ANK3: variants seen among roughly 807,000 people sequenced by gnomAD.
The protein encoded by ANK3 is ankyrin-3.
In ANK3, 57 loss-of-function variants were observed where a neutral mutation model predicts 370.9. The ratio of observed to expected loss-of-function variants is 0.15; its 90% CI spans 0.12 to 0.19. The LOEUF (loss-of-function observed/expected upper bound fraction) is 0.19. Among genes scored for constraint, ANK3 ranks in the 10% least tolerant of loss-of-function variants. The probability of loss-of-function intolerance (pLI) is 1.00; values close to 1 mark genes in which losing one functional copy is unlikely to be tolerated. For synonymous variants in ANK3, 1,929 were observed against 1,946.3 expected (o/e 0.99, Z 0.23); for missense variants, 4,439 against 5,302.1 (o/e 0.84, Z 5.06).
At chr10:60,041,363 G>A (rs2393578) in intron 43 of ANK3, among the ~76,000 whole-genome samples, 129,153 of 152,182 alleles carry the variant, frequency 0.85, 55,046 homozygotes, top group East Asian at 0.94. Flanking sequence ...ATATTCTCAA[G>A]GAAACCTTCC....
intron 2 of ANK3, among the ~76,000 whole-genome samples, chr10:60,443,420 T>C (rs981122005): frequency 1.3e-5 from 2 of 152,124 alleles, no homozygotes; most frequent in Non-Finnish European, 2.9e-5. Flanking sequence ...CTGCATCATA[T>C]TCCTTCTGGG....
chr10:60,677,495 T>C (rs201760605), intron 1 of ANK3, among the ~76,000 whole-genome samples: 6 of 148,170 alleles, frequency 4.0e-5, no homozygotes, highest in Middle Eastern at 3.6e-3. Context: ...TATAACTTTT[T>C]AAAAAAACTG....
intron 2 of ANK3, among the ~76,000 whole-genome samples, chr10:60,419,853 C>A (rs1364053545): frequency 6.6e-6 from 1 of 152,134 alleles, no homozygotes; most frequent in African/African-American, 2.4e-5. Context: ...CTGTGGTAGT[C>A]ATTTTTTTAC....
At chr10:60,390,097 T>G (rs1017787729), upstream of ANK3, among the ~76,000 whole-genome samples, 2 of 152,202 alleles carry the variant, frequency 1.3e-5, no homozygotes, top group African/African-American at 2.4e-5. Context: ...TTAGTTCAAC[T>G]GCTGATGGTG....
At chr10:60,723,185 G>T (rs749248828) in intron 1 of ANK3, among the ~76,000 whole-genome samples, 2 of 152,174 alleles carry the variant, frequency 1.3e-5, no homozygotes, top group Non-Finnish European at 1.5e-5. Flanking sequence ...ATTATTCCCA[G>T]GCTGCAGATA....
chr10:60,395,893 T>C (rs2063228707), intron 2 of ANK3, among the ~76,000 whole-genome samples: 1 of 152,056 alleles, frequency 6.6e-6, no homozygotes, highest in Non-Finnish European at 1.5e-5. Context: ...TGGGGTAACG[T>C]AAAACAGAAT....
intron 1 of ANK3, among the ~76,000 whole-genome samples, chr10:60,319,030 T>A (rs2048062016): frequency 6.6e-6 from 1 of 152,220 alleles, no homozygotes; most frequent in Non-Finnish European, 1.5e-5. Flanking sequence ...CCTAATGTAC[T>A]TGGTAATGAG....
rs1594746382 is a variant in ANK3 at position 60,375,857 on chromosome 10, A to G, written c.114+13568T>C. On this transcript the variant is annotated intron_variant, in intron 1 of 43. Coordinates refer to ENST00000280772, the MANE Select transcript of ANK3 (RefSeq NM_020987.5). ...ACTTTGCCCATTTTCACTGATGACT[A>G]TCACTAAATATGCTTAGCATAAAAT... Among the ~76,000 whole-genome samples, 3 of 152,200 alleles carry G rather than the reference A, an allele frequency of 2.0e-5. No homozygotes were observed. In the East Asian group the frequency reaches 5.8e-4, roughly 29 times the overall value.
At chr10:60,201,472 A>G (rs1015265216) in intron 12 of ANK3, among the ~76,000 whole-genome samples, 1 of 152,188 alleles carries the variant, frequency 6.6e-6, no homozygotes, top group African/African-American at 2.4e-5. Context: ...TGCTAATATT[A>G]TGATGTCAAA....
rs772050322 is a variant in ANK3, at chr10:60,134,355, C to T, written c.2757G>A (p.Ser919=). 1.7e-5 allele frequency: 27 copies of T among 1,613,196 alleles called. 1 individual carries two copies. The highest frequency in any genetic ancestry group is 5.5e-5 in the South Asian group (5 of 90,952). Reference sequence around the variant, plus strand: ...TTCTGTTCAAGGTGTAAGACCTATCCGAACTGAAGGAGCGGAGGCTGTTGT... The same window carrying T: ...TTCTGTTCAAGGTGTAAGACCTATCTGAACTGAAGGAGCGGAGGCTGTTGT... The part of the protein sequence containing the change: ...ARSASLRSFS[S]DRSYTLNRSS... The change falls in exon 25 of 44, where the codon TCG becomes TCA. Residue 919 remains serine, a synonymous_variant. Coordinates refer to ENST00000280772, the MANE Select transcript of ANK3 (RefSeq NM_020987.5).
chr10:60,519,926 AT>A (rs774816079), intron 2 of ANK3, among the ~76,000 whole-genome samples: 2 of 152,018 alleles, frequency 1.3e-5, no homozygotes, highest in African/African-American at 2.4e-5. Flanking sequence ...GATTATTGAA[AT>A]TTTTGTCATG....
intron 1 of ANK3, among the ~76,000 whole-genome samples, chr10:60,362,576 T>C (rs2058775202): frequency 6.6e-6 from 1 of 152,216 alleles, no homozygotes; most frequent in Admixed American, 6.5e-5. Context: ...CATAGGATCT[T>C]AATGAATACG....
chr10:60,300,364 C>T (rs1307070467), intron 1 of ANK3: 1 of 1,289,714 alleles, frequency 7.8e-7, no homozygotes, highest in Non-Finnish European at 1.0e-6. Context: ...TTCTCTGTGG[C>T]CAAGTAAGAA....
chr10:60,274,035 G>T (rs80101495), intron 4 of ANK3, among the ~76,000 whole-genome samples: 1 of 152,084 alleles, frequency 6.6e-6, no homozygotes, highest in Non-Finnish European at 1.5e-5. Context: ...GTGTGTAGTC[G>T]TGTGATTATA....
chr10:60,591,308 TTTA>T (rs1201796757), intron 2 of ANK3, among the ~76,000 whole-genome samples: 2 of 38,096 alleles, frequency 5.2e-5, no homozygotes, highest in East Asian at 1.3e-3. Context: ...TTTTATTTTA[TTTA>T]TTTATTTATT....
chr10:60,236,629 T>C (rs900655091), intron 7 of ANK3, among the ~76,000 whole-genome samples: 20 of 152,320 alleles, frequency 1.3e-4, no homozygotes, highest in Admixed American at 9.8e-4. Context: ...AATGGTTGTA[T>C]GGTTAGGGTT....
intron 2 of ANK3, among the ~76,000 whole-genome samples, chr10:60,449,374 G>A (rs1245012779): frequency 6.6e-6 from 1 of 151,802 alleles, no homozygotes; most frequent in East Asian, 1.9e-4. Flanking sequence ...TATGTGTTTT[G>A]CACTTCTCAA....
intron 1 of ANK3, among the ~76,000 whole-genome samples, chr10:60,291,853 C>T (rs2041474494): frequency 6.6e-6 from 1 of 152,064 alleles, no homozygotes; most frequent in African/African-American, 2.4e-5. Flanking sequence ...GCCAGGTCTA[C>T]AGGTACAGAC....
chr10:60,322,795 TG>T (rs1047390920), intron 1 of ANK3, among the ~76,000 whole-genome samples: 3 of 149,012 alleles, frequency 2.0e-5, no homozygotes, highest in Non-Finnish European at 4.5e-5. Context: ...TGAAAACCTA[TG>T]GGGGGGAAAA....
Sources: allele counts gnomAD v4.1 joint callset (sites outside exome capture counted in the v4.1 genomes callset), GRCh38; gene constraint gnomAD v4.1.1; transcripts MANE v1.5; gene names NCBI Gene and HGNC (gene_info 2026-07-23, HGNC 2026-07-21).